UBE4A: variants seen among roughly 807,000 people sequenced by gnomAD.
UBE4A encodes ubiquitin conjugation factor E4 A.
Under a neutral mutation model 117.9 loss-of-function variants are expected in UBE4A, and 48 were observed. The observed-to-expected ratio is 0.41, with a 90% CI of 0.32 to 0.52. The LOEUF (loss-of-function observed/expected upper bound fraction) is 0.52, where lower values mean the gene tolerates loss of function less well. UBE4A is among the 20% of genes least tolerant of loss of function. UBE4A has a pLI of 0.33. For synonymous variants in UBE4A, 407 were observed against 450.0 expected (o/e 0.90, Z 1.21); for missense variants, 1,067 against 1,296.3 (o/e 0.82, Z 2.72).
intron 4 of UBE4A, 46 bp downstream of exon 4, chr11:118,369,581 T>A: frequency 6.9e-7 from 1 of 1,439,164 alleles, no homozygotes; most frequent in Non-Finnish European, 9.8e-7. Flanking sequence ...AAAAATTAGC[T>A]ATGCGGCTGA....
intron 2 of UBE4A, among the ~76,000 whole-genome samples, chr11:118,366,164 C>G (rs1381010659): frequency 2.0e-5 from 3 of 151,132 alleles, no homozygotes; most frequent in African/African-American, 7.3e-5. Context: ...GTGATTGATG[C>G]AAGGGAAAAA....
intron 18 of UBE4A, among the ~76,000 whole-genome samples, chr11:118,391,835 G>A (rs1293676785): frequency 6.6e-6 from 1 of 151,674 alleles, no homozygotes; most frequent in Non-Finnish European, 1.5e-5. Flanking sequence ...TCAACTAGAA[G>A]AGAAGAATGT....
chr11:118,394,217 A>G (rs1213870595), intron 19 of UBE4A, among the ~76,000 whole-genome samples: 1 of 152,058 alleles, frequency 6.6e-6, no homozygotes, highest in Non-Finnish European at 1.5e-5. Flanking sequence ...GTGCAGTGGC[A>G]TGATCTCAGC....
rs1948889977 is a variant in UBE4A, at chr11:118,397,906, G to C, written c.*1466G>C. 4 of 152,158 alleles carry C rather than the reference G, an allele frequency of 2.6e-5. No individual in the cohort carries two copies. The South Asian group carries it at 8.3e-4, about 32-fold the overall frequency. The allele number at this position is 152,158 out of a possible 1,614,324, so 9.4% of individuals were successfully genotyped here. A position where few individuals can be genotyped will look rare whatever the true frequency, so the allele number is the denominator to read the frequency against. On this transcript the variant is annotated 3_prime_UTR_variant, in exon 20 of 20. Transcript: ENST00000252108. ...GGCTTCCCATCCTAGATATAAAATA[G>C]GTGTTGCCTATTGCTGTGCTTATAA...
At position 118,389,955 on chromosome 11, in the gene UBE4A, A is replaced by C. The variant is rs1347753387; in HGVS notation, c.2768+50A>C. On this transcript the variant is annotated intron_variant, in intron 17 of 19. Transcript: ENST00000252108. ...GCCAGAGGGGATGCTGTTTTGATTT[A>C]GGGTTTTGATAGTAGAATGACTGGT... is the stretch of plus-strand genomic sequence containing the variant. The C allele has an allele frequency of 4.0e-6, 6 of 1,483,000 alleles. No individual in the cohort carries two copies. In the Admixed American group the frequency reaches 9.6e-5, roughly 24 times the overall value. 91.9% of individuals were successfully genotyped at this position (1,483,000 alleles called of 1,614,324 possible). A position where few individuals can be genotyped will look rare whatever the true frequency, so the allele number is the denominator to read the frequency against.
At chr11:118,391,189 G>A in intron 18 of UBE4A, among the ~76,000 whole-genome samples, 1 of 152,140 alleles carries the variant, frequency 6.6e-6, no homozygotes, top group Non-Finnish European at 1.5e-5. Context: ...AGTGAGAATA[G>A]AAATTTAAGA....
At chr11:118,369,740 AC>A (rs1328160825) in intron 4 of UBE4A, among the ~76,000 whole-genome samples, 1 of 149,340 alleles carries the variant, frequency 6.7e-6, no homozygotes, top group African/African-American at 2.5e-5. Context: ...CTTTTCATCT[AC>A]CATGGCCACA....
intron 16 of UBE4A, among the ~76,000 whole-genome samples, chr11:118,388,032 T>G (rs145299898): frequency 6.6e-6 from 1 of 152,266 alleles, no homozygotes; most frequent in East Asian, 1.9e-4. Context: ...TTGGAAAGGA[T>G]TTAGTGATAA....
chr11:118,384,595 G>A (rs782431813), intron 13 of UBE4A, 40 bp from the exon 14 acceptor site: 1 of 1,564,576 alleles, frequency 6.4e-7, no homozygotes, highest in South Asian at 1.1e-5. Context: ...TCCTCTTATG[G>A]CACCGCCTTT....
At chr11:118,388,966 C>T (rs1440778394) in intron 16 of UBE4A, among the ~76,000 whole-genome samples, 2 of 151,532 alleles carry the variant, frequency 1.3e-5, no homozygotes, top group African/African-American at 4.9e-5. Flanking sequence ...GACCCTGTCT[C>T]AAAAAAATAA....
chr11:118,371,139 C>G lies in UBE4A; in HGVS notation c.409-375C>G, dbSNP rs184650110. On this transcript the variant is annotated intron_variant, in intron 4 of 19. Coordinates refer to ENST00000252108, the MANE Select transcript of UBE4A (RefSeq NM_001204077.2). The stretch of plus-strand genomic sequence containing the variant: ...AAAGTTTGGTAGGAAAGACAGTTGA[C>G]AGCTTGCAGTTTAACTTCACATTTG... Among the ~76,000 whole-genome samples the G allele has an allele frequency of 2.2e-3, 336 of 152,318 alleles. 1 individual carries two copies. The highest frequency in any genetic ancestry group is 7.9e-3 in the African/African-American group (328 of 41,588).
chr11:118,390,564 AGTG>A (rs1555128186), intron 17 of UBE4A, 90 bp from the exon 18 acceptor site: 2 of 986,336 alleles, frequency 2.0e-6, no homozygotes, highest in African/African-American at 1.7e-5. Flanking sequence ...ATGGCTTTTA[AGTG>A]GTGAGAATGC....
intron 16 of UBE4A, 67 bp downstream of exon 16, chr11:118,386,679 C>T: frequency 6.9e-7 from 1 of 1,451,514 alleles, no homozygotes; most frequent in Non-Finnish European, 9.1e-7. Flanking sequence ...CTTGGGGGAT[C>T]AGCCCAGCTG....
intron 10 of UBE4A, among the ~76,000 whole-genome samples, chr11:118,378,147 TGAA>T (rs1376320605): frequency 3.3e-5 from 5 of 151,326 alleles, no homozygotes; most frequent in Admixed American, 2.0e-4. Context: ...CTCGGGAGGT[TGAA>T]GAAGGAGAAT....
At position 118,382,612 on chromosome 11, in the gene UBE4A, C is replaced by T; in HGVS notation, c.2033C>T (p.Ala678Val). 1 of 1,566,006 alleles carries T rather than the reference C, an allele frequency of 6.4e-7. No homozygotes were observed. Among genetic ancestry groups the T allele is most frequent in the South Asian group, 1.2e-5 (1 of 84,448 alleles). The change falls in exon 13 of 20, where the codon GCC becomes GTC. Residue 678 changes from alanine (A) to valine (V), a missense_variant. Transcript: ENST00000252108. ...AGAATGAAGAATCCCCACCTGAGGG[C>T]CAAACTAGCAGAGGTGTTGGAAGCA... ...IERMKNPHLR[A>V]KLAEVLEAVM...
In UBE4A at chr11:118,386,477, C is replaced by T; in HGVS notation, c.2452C>T (p.Arg818Ter). 2 of 1,608,180 alleles carry T rather than the reference C, an allele frequency of 1.2e-6. No individual in the cohort carries two copies. Among genetic ancestry groups the T allele is most frequent in the Non-Finnish European group, 1.7e-6 (2 of 1,178,252 alleles). ...AAAGATTCAGCAAATTGAGAAGGATCGAGGTGAATGGGATAGTCTGACTCC... is the reference window on the plus strand; with the variant it reads ...AAAGATTCAGCAAATTGAGAAGGATTGAGGTGAATGGGATAGTCTGACTCC... ...KIKIQQIEKD[R>*]GEWDSLTPEA... Residue 818 changes from arginine (R) to a stop codon, truncating the protein, a stop_gained, in exon 16 of 20, where the codon CGA becomes TGA. Transcript: ENST00000252108. LOFTEE classifies it high-confidence loss of function.
intron 18 of UBE4A, among the ~76,000 whole-genome samples, chr11:118,391,415 G>A (rs573209396): frequency 1.3e-5 from 2 of 151,616 alleles, no homozygotes; most frequent in Non-Finnish European, 2.9e-5. Flanking sequence ...CTTGAACCTG[G>A]GAGGCGGAGG....
At chr11:118,380,559 G>A (rs1948696153) in intron 11 of UBE4A, among the ~76,000 whole-genome samples, 1 of 152,074 alleles carries the variant, frequency 6.6e-6, no homozygotes, top group African/African-American at 2.4e-5. Flanking sequence ...TCCAGCCTGG[G>A]TGACAGCAGG....
chr11:118,361,961 A>G (rs1355576073), intron 1 of UBE4A, among the ~76,000 whole-genome samples: 1 of 152,252 alleles, frequency 6.6e-6, no homozygotes, highest in African/African-American at 2.4e-5. Context: ...AATGTAGAAG[A>G]TCTGCTTAGA....
Sources: gnomAD v4.1 joint callset for allele counts (sites outside exome capture counted in the v4.1 genomes callset) on GRCh38, gnomAD v4.1.1 for gene constraint, MANE v1.5 for transcripts, NCBI Gene and HGNC (gene_info 2026-07-23, HGNC 2026-07-21) for gene names.